The following IL3RA variants were observed in gnomAD, a reference collection of about 807,000 sequenced individuals.
IL3RA encodes interleukin 3 receptor subunit alpha.
IL3RA carries 73 observed loss-of-function variants against 52.3 expected under a neutral mutation model. That is an observed-to-expected ratio of 1.40 (90% confidence interval 1.16 to 1.70). The LOEUF (loss-of-function observed/expected upper bound fraction) is 1.70. IL3RA is among the 40% of genes most tolerant of loss of function. The pLI, the probability that IL3RA is intolerant of heterozygous loss-of-function variation, is 0.00. For synonymous variants in IL3RA, 260 were observed against 194.0 expected (o/e 1.34, Z -2.83); for missense variants, 664 against 504.4 (o/e 1.32, Z -3.03).
In IL3RA at chrX:1,353,913, C is replaced by CTCATCATGGGTTCCA. The variant is rs1456511537; in HGVS notation, c.616+1412_616+1426dup. ...GATTCCATCATGAGTCATGGGATCC[C>CTCATCATGGGTTCCA]TCATCATGGGTTCCATCATGGGTCA... is the stretch of plus-strand genomic sequence containing the variant. On this transcript the variant is annotated intron_variant, in intron 6 of 11. Coordinates refer to ENST00000331035, the MANE Select transcript of IL3RA (RefSeq NM_002183.4). Among the ~76,000 whole-genome samples, 120 of 142,536 alleles carry CTCATCATGGGTTCCA rather than the reference C, an allele frequency of 8.4e-4. 3 individuals are homozygous for CTCATCATGGGTTCCA. The highest frequency in any genetic ancestry group is 3.0e-3 in the African/African-American group (111 of 37,326). The allele number at this position is 142,536 out of a possible 152,430, so 93.5% of individuals were successfully genotyped here.
chrX:1,361,231 C>G (rs2087322911), intron 8 of IL3RA, among the ~76,000 whole-genome samples: 1 of 151,630 alleles, frequency 6.6e-6, no homozygotes. Context: ...CTTTCTCTCT[C>G]CCATTATTTC....
At chrX:1,379,148 T>G (rs1226615733) in intron 10 of IL3RA, among the ~76,000 whole-genome samples, 1 of 143,760 alleles carries the variant, frequency 7.0e-6, no homozygotes, top group Non-Finnish European at 1.5e-5. Flanking sequence ...TGGCCCATAT[T>G]ATTATTATTG....
At chrX:1,347,605 G>GT (rs1367919438) in intron 3 of IL3RA, among the ~76,000 whole-genome samples, 4 of 151,588 alleles carry the variant, frequency 2.6e-5, no homozygotes, top group African/African-American at 4.9e-5. Flanking sequence ...GGCAAGCGGA[G>GT]TGAGGCCCTG....
chrX:1,345,981 G>T (rs1488263745), intron 3 of IL3RA, among the ~76,000 whole-genome samples: 1 of 151,946 alleles, frequency 6.6e-6, no homozygotes, highest in African/African-American at 2.4e-5. Context: ...GGACAGGGTG[G>T]ATGTGAAAGT....
intron 1 of IL3RA, among the ~76,000 whole-genome samples, chrX:1,337,602 A>G (rs1458496587): frequency 6.6e-6 from 1 of 151,258 alleles, no homozygotes; most frequent in African/African-American, 2.4e-5. Context: ...TTTATTCACA[A>G]TAGCCAAGAG....
chrX:1,382,599 G>A lies in IL3RA; in HGVS notation c.*134G>A. ...CTAACGGGTGGTGGGCATGGGAGAT[G>A]CCTGTGTAATTTCGTCCGAAGCTGC... On this transcript the variant is annotated 3_prime_UTR_variant, in exon 12 of 12. Transcript: ENST00000331035. 5 of 782,590 alleles carry A rather than the reference G, an allele frequency of 6.4e-6. No homozygotes were observed. Among genetic ancestry groups the A allele is most frequent in the Non-Finnish European group, 6.7e-6 (3 of 446,806 alleles). 48.5% of individuals were successfully genotyped at this position (782,590 alleles called of 1,614,324 possible).
intron 7 of IL3RA, among the ~76,000 whole-genome samples, chrX:1,356,606 A>G (rs1429296507): frequency 6.6e-6 from 1 of 152,020 alleles, no homozygotes; most frequent in Non-Finnish European, 1.5e-5. Context: ...CGTCTCTACT[A>G]AAAATACGAA....
chrX:1,348,303 A>C, intron 3 of IL3RA, 128 bp from the exon 4 acceptor site: 2 of 737,692 alleles, frequency 2.7e-6, no homozygotes, highest in Non-Finnish European at 2.5e-6. Flanking sequence ...CAGTGAGCCG[A>C]GATCACGCCA....
rs527699809 is a variant in IL3RA at position 1,361,518 on chromosome X, G to A, written c.759+2631G>A. ...TGTAATCACAGCACCTTGGGAGGAC[G>A]AGGTGGGTGGACCACGAGGTCAGGA... On this transcript the variant is annotated intron_variant, in intron 8 of 11. Coordinates refer to ENST00000331035, the MANE Select transcript of IL3RA (RefSeq NM_002183.4). 6.6e-5 allele frequency among the ~76,000 whole-genome samples: 10 copies of A among 152,076 alleles called. 1 individual carries two copies. In the South Asian group the frequency reaches 1.0e-3, roughly 16 times the overall value.
intron 4 of IL3RA, among the ~76,000 whole-genome samples, chrX:1,349,414 T>G (rs1173892058): frequency 1.3e-5 from 2 of 151,868 alleles, no homozygotes; most frequent in Non-Finnish European, 2.9e-5. Context: ...ACTCCTGACT[T>G]CGTGATCTGC....
chrX:1,348,825 T>C (rs1382789408), intron 4 of IL3RA, among the ~76,000 whole-genome samples: 1 of 122,688 alleles, frequency 8.2e-6, no homozygotes, highest in Admixed American at 7.9e-5. Flanking sequence ...TCCCTCCTTC[T>C]CTCCTTTTCC....
At chrX:1,380,630 GGAGGGA>G (rs1388764821) in intron 10 of IL3RA, among the ~76,000 whole-genome samples, 4 of 71,850 alleles carry the variant, frequency 5.6e-5, no homozygotes, top group Admixed American at 2.6e-4. Flanking sequence ...GGAGGGGGAA[GGAGGGA>G]GAGGGGGAGG....
At chrX:1,362,559 G>C (rs751497349) in intron 8 of IL3RA, among the ~76,000 whole-genome samples, 203 of 151,166 alleles carry the variant, frequency 1.3e-3, no homozygotes, top group Middle Eastern at 6.9e-3. Flanking sequence ...TCCCCTCTCT[G>C]TGTCTCTTTG....
chrX:1,337,334 C>T (rs192419964), intron 1 of IL3RA, among the ~76,000 whole-genome samples: 4 of 152,242 alleles, frequency 2.6e-5, no homozygotes, highest in Non-Finnish European at 5.9e-5. Context: ...ACGCCCAGGG[C>T]GAGCTGACTG....
intron 2 of IL3RA, 31 bp from the exon 3 acceptor site, chrX:1,345,285 C>A: frequency 1.4e-6 from 2 of 1,464,688 alleles, no homozygotes; most frequent in Non-Finnish European, 1.9e-6. Context: ...TCTTACGTAT[C>A]TCTTCGAACT....
intron 10 of IL3RA, among the ~76,000 whole-genome samples, chrX:1,379,357 T>C (rs1603449337): frequency 6.6e-6 from 1 of 152,130 alleles, no homozygotes; most frequent in South Asian, 2.1e-4. Flanking sequence ...GGTTTCACCA[T>C]GTTGGCCACA....
At chrX:1,379,571 G>T (rs2089030672) in intron 10 of IL3RA, among the ~76,000 whole-genome samples, 1 of 152,234 alleles carries the variant, frequency 6.6e-6, no homozygotes, top group Non-Finnish European at 1.5e-5. Flanking sequence ...GTGTCCCCAG[G>T]GTGGAGGAAG....
intron 11 of IL3RA, among the ~76,000 whole-genome samples, chrX:1,381,544 T>G (rs1359871805): frequency 6.6e-6 from 1 of 151,712 alleles, no homozygotes; most frequent in African/African-American, 2.4e-5. Flanking sequence ...GCAGATTTTT[T>G]TTTTTTTTTT....
chrX:1,368,157 G>C (rs1205633755), intron 9 of IL3RA, among the ~76,000 whole-genome samples: 3 of 152,292 alleles, frequency 2.0e-5, no homozygotes, highest in Middle Eastern at 3.4e-3. Context: ...TACTCGGGAG[G>C]CTGAGGCAGG....
Sources: allele counts gnomAD v4.1 joint callset (sites outside exome capture counted in the v4.1 genomes callset), GRCh38; gene constraint gnomAD v4.1.1; transcripts MANE v1.5; gene names NCBI Gene and HGNC (gene_info 2026-07-23, HGNC 2026-07-21).